Variants in SH3PXD2B observed in about 807,000 individuals in gnomAD.
SH3PXD2B encodes SH3 and PX domain-containing protein 2B.
SH3PXD2B carries 37 observed loss-of-function variants against 73.1 expected under a neutral mutation model. The observed-to-expected ratio is 0.51, with a 90% CI of 0.39 to 0.67. The LOEUF is 0.67. Among genes scored for constraint, SH3PXD2B ranks in the 30% least tolerant of loss-of-function variants. The probability of loss-of-function intolerance (pLI) is 0.00; values close to 1 mark genes in which losing one functional copy is unlikely to be tolerated. For synonymous variants in SH3PXD2B, 457 were observed against 480.5 expected, an observed-to-expected ratio of 0.95 and a Z score of 0.64; for missense variants, 1,053 against 1,197.8, an observed-to-expected ratio of 0.88 and a Z score of 1.78.
intron 12 of SH3PXD2B, among the ~76,000 whole-genome samples, chr5:172,340,652 T>G (rs1478155282): frequency 6.6e-6 from 1 of 152,178 alleles, no homozygotes; most frequent in Non-Finnish European, 1.5e-5. Context: ...TGAAGTGCAG[T>G]GGCATGATCT....
At chr5:172,366,928 G>GGCT in intron 6 of SH3PXD2B, among the ~76,000 whole-genome samples, 1 of 99,382 alleles carries the variant, frequency 1.0e-5, no homozygotes, top group East Asian at 5.4e-4. Flanking sequence ...CATCGTGCCC[G>GGCT]GCCATTTTTT....
chr5:172,375,746 C>G (rs1234156441), intron 5 of SH3PXD2B, among the ~76,000 whole-genome samples: 1 of 152,204 alleles, frequency 6.6e-6, no homozygotes, highest in African/African-American at 2.4e-5. Context: ...TTTGTTTACT[C>G]CTCACTAAGT....
chr5:172,433,412 C>G (rs575917818), intron 1 of SH3PXD2B, among the ~76,000 whole-genome samples: 8 of 152,174 alleles, frequency 5.3e-5, no homozygotes, highest in Non-Finnish European at 1.0e-4. Context: ...TTTAAAAATT[C>G]TGTTCTTGAT....
intron 12 of SH3PXD2B, among the ~76,000 whole-genome samples, chr5:172,341,303 C>G (rs561850332): frequency 5.3e-5 from 8 of 152,100 alleles, no homozygotes; most frequent in Non-Finnish European, 1.2e-4. Context: ...ATGTCCCCAC[C>G]CAAGTCTCAT....
Position 172,337,814 on chromosome 5 carries a change from G to A in SH3PXD2B, c.*555C>T. 1 of 999,886 alleles carries A rather than the reference G, an allele frequency of 1.0e-6. No homozygotes were observed. The allele number at this position is 999,886 out of a possible 1,614,324, so 61.9% of individuals were successfully genotyped here. On this transcript the variant is annotated 3_prime_UTR_variant, in exon 13 of 13. Transcript: ENST00000311601. ...GAGGCCCACGGGCCTGAGGCTTTGG[G>A]GAAGGGGACACTTTCCCTGGAACTG...
At chr5:172,381,957 T>C in intron 5 of SH3PXD2B, 79 bp downstream of exon 5, 1 of 1,154,878 alleles carries the variant, frequency 8.7e-7, no homozygotes, top group South Asian at 1.3e-5. Context: ...GGCTGCACTT[T>C]GCTTTACTTG....
At chr5:172,438,159 A>AACAT (rs1429547545) in intron 1 of SH3PXD2B, among the ~76,000 whole-genome samples, 5 of 151,986 alleles carry the variant, frequency 3.3e-5, no homozygotes, top group Non-Finnish European at 5.9e-5. Flanking sequence ...CTCTGGCGGG[A>AACAT]ACATTTCCTC....
intron 2 of SH3PXD2B, 56 bp from the exon 3 acceptor site, chr5:172,406,408 T>A: frequency 4.5e-6 from 7 of 1,560,410 alleles, no homozygotes; most frequent in Non-Finnish European, 6.2e-6. Flanking sequence ...CTAAACATCA[T>A]CTAGGACATT....
At position 172,421,551 on chromosome 5, in the gene SH3PXD2B, C is replaced by G. The variant is rs541612578; in HGVS notation, c.156+865G>C. On this transcript the variant is annotated intron_variant, in intron 2 of 12. Coordinates refer to ENST00000311601, the MANE Select transcript of SH3PXD2B (RefSeq NM_001017995.3). This position sits in a 1 kb window ranked among gnomAD's most constrained non-coding sequence, Gnocchi z 4.0. ...GACAGACAAGCAGACAGCTTCAATA[C>G]AGAGAGACACACAGAGCTGTAGGGG... Among the ~76,000 whole-genome samples, 13 of 152,274 alleles carry G rather than the reference C, an allele frequency of 8.5e-5. No homozygotes were observed. In the South Asian group the frequency reaches 2.7e-3, roughly 32 times the overall value.
intron 4 of SH3PXD2B, among the ~76,000 whole-genome samples, chr5:172,390,929 C>T (rs953792041): frequency 6.6e-6 from 1 of 151,818 alleles, no homozygotes; most frequent in African/African-American, 2.4e-5. Flanking sequence ...GCAATCTCCA[C>T]TTCCCGGGTT....
chr5:172,370,854 C>A (rs949227709), intron 6 of SH3PXD2B, among the ~76,000 whole-genome samples: 4 of 152,290 alleles, frequency 2.6e-5, no homozygotes, highest in Admixed American at 2.6e-4. Flanking sequence ...ACTGGTGGAG[C>A]GTGATATTGC....
chr5:172,422,593 G>A (rs548273469), intron 1 of SH3PXD2B, 97 bp from the exon 2 acceptor site: 37 of 1,179,096 alleles, frequency 3.1e-5, no homozygotes, highest in East Asian at 2.3e-4. Context: ...TCAGAAAGAC[G>A]TGGGTTTCAG....
At position 172,339,809 on chromosome 5, in the gene SH3PXD2B, C is replaced by G. The variant is rs746455104; in HGVS notation, c.1296G>C (p.Ser432=). Residue 432 remains serine, a synonymous_variant, in exon 13 of 13, where the codon TCG becomes TCC. Transcript: ENST00000311601. This position sits in a 1 kb window ranked among gnomAD's most constrained non-coding sequence, Gnocchi z 6.1. ...GCAGGGGAGCCAGAAAGTTGGGTCT[C>G]GACGCGTTGCTCGTCTTCTTGTACT... ...IDKYKKTSNA[S]RPNFLAPLPH... 1 of 1,613,878 alleles carries G rather than the reference C, an allele frequency of 6.2e-7. No individual in the cohort carries two copies. Among genetic ancestry groups the G allele is most frequent in the Non-Finnish European group, 8.5e-7 (1 of 1,179,742 alleles).
chr5:172,338,853 G>A lies in SH3PXD2B; in HGVS notation c.2252C>T (p.Pro751Leu). ...KSVPVPLQEA[P>L]QQRPVVPPRR... is the part of the protein sequence containing the mutation. ...GGGTGGGACCACAGGTCTCTGCTGG[G>A]GAGCCTCTTGGAGAGGAACAGGCAC... The change falls in exon 13 of 13, where the codon CCC (proline) becomes CTC (leucine). Residue 751 changes from proline to leucine, a missense_variant. Coordinates refer to ENST00000311601, the MANE Select transcript of SH3PXD2B (RefSeq NM_001017995.3). This position sits in a 1 kb window ranked among gnomAD's most constrained non-coding sequence, Gnocchi z 5.1. 1 of 1,612,718 alleles carries A rather than the reference G, an allele frequency of 6.2e-7. No individual in the cohort carries two copies. The highest frequency in any genetic ancestry group is 8.5e-7 in the Non-Finnish European group (1 of 1,178,822).
At chr5:172,453,319 C>A (rs1759844001) in intron 1 of SH3PXD2B, among the ~76,000 whole-genome samples, 2 of 152,146 alleles carry the variant, frequency 1.3e-5, no homozygotes, top group African/African-American at 4.8e-5. Context: ...GACACTATAG[C>A]CCCCTTCCCT....
chr5:172,407,860 A>T (rs10476025), intron 2 of SH3PXD2B, among the ~76,000 whole-genome samples: 60,095 of 152,114 alleles, frequency 0.4, 12,448 homozygotes, highest in East Asian at 0.7. Context: ...TCATTGCTTT[A>T]AGGTGGACCT....
chr5:172,414,494 G>T (rs1171127561), intron 2 of SH3PXD2B, among the ~76,000 whole-genome samples: 1 of 151,272 alleles, frequency 6.6e-6, no homozygotes, highest in African/African-American at 2.4e-5. Context: ...GAAGGGGATG[G>T]GTCAGTCCTA....
At chr5:172,419,864 G>A (rs767335081) in intron 2 of SH3PXD2B, among the ~76,000 whole-genome samples, 8 of 152,142 alleles carry the variant, frequency 5.3e-5, no homozygotes, top group Non-Finnish European at 1.5e-5. Flanking sequence ...CAAAATACAG[G>A]TAGCCCTCCC....
At chr5:172,433,393 A>G (rs1045422454) in intron 1 of SH3PXD2B, among the ~76,000 whole-genome samples, 13 of 152,320 alleles carry the variant, frequency 8.5e-5, no homozygotes, top group Middle Eastern at 3.4e-3. Flanking sequence ...TGGTATGAAT[A>G]TGGGGGACTT....
Sources: gnomAD v4.1 joint callset for allele counts (sites outside exome capture counted in the v4.1 genomes callset) on GRCh38, gnomAD v4.1.1 for gene constraint, Gnocchi (gnomAD v3.1) non-coding constraint, MANE v1.5 for transcripts, NCBI Gene and HGNC (gene_info 2026-07-23, HGNC 2026-07-21) for gene names.